The following MRTFB variants were observed in gnomAD, a reference collection of about 807,000 sequenced individuals.
The protein encoded by MRTFB is myocardin related transcription factor B.
Under a neutral mutation model 104.2 loss-of-function variants are expected in MRTFB, and 29 were observed. That is an observed-to-expected ratio of 0.28 (90% CI 0.21 to 0.38). The LOEUF is 0.38. MRTFB is among the 10% of genes least tolerant of loss of function. The pLI is 1.00. For synonymous variants in MRTFB, 535 were observed against 519.5 expected (o/e 1.03, Z -0.41); for missense variants, 1,270 against 1,341.6 (o/e 0.95, Z 0.83).
In MRTFB at chr16:14,262,887, G is replaced by A. The variant is rs1374204723; in HGVS notation, c.*1443G>A. ...CACCCTTGTGTAAACCCTCAGGTCA[G>A]GTTGGTTCCCCTGGGTCACAAAATG... is the stretch of plus-strand genomic sequence containing the variant. On this transcript the variant is annotated 3_prime_UTR_variant, in exon 17 of 17. Transcript: ENST00000571589. 1 of 152,408 alleles carries A rather than the reference G, an allele frequency of 6.6e-6. No homozygotes were observed. Among genetic ancestry groups the A allele is most frequent in the East Asian group, 1.9e-4 (1 of 5,188 alleles). The allele number at this position is 152,408 out of a possible 1,614,324, so 9.4% of individuals were successfully genotyped here. A position where few individuals can be genotyped will look rare whatever the true frequency, so the allele number is the denominator to read the frequency against.
At chr16:14,006,571 A>C in the MRTFB span, among the ~76,000 whole-genome samples, 1 of 151,872 alleles carries the variant, frequency 6.6e-6, no homozygotes, top group African/African-American at 2.4e-5. Context: ...TCTCTCATGC[A>C]CTAACCATTT....
the MRTFB span, among the ~76,000 whole-genome samples, chr16:14,041,959 G>T: frequency 6.6e-6 from 1 of 152,084 alleles, no homozygotes; most frequent in Non-Finnish European, 1.5e-5. Context: ...GTTCTTTGGG[G>T]TATATATCCA....
intron 2 of MRTFB, among the ~76,000 whole-genome samples, chr16:14,118,170 T>C (rs1006837125): frequency 3.3e-5 from 5 of 150,376 alleles, no homozygotes; most frequent in African/African-American, 9.8e-5. Context: ...AGGGTCTCAT[T>C]CTGTCACCCA....
chr16:14,110,522 C>T (rs766488999), intron 2 of MRTFB, among the ~76,000 whole-genome samples: 1 of 152,100 alleles, frequency 6.6e-6, no homozygotes, highest in Non-Finnish European at 1.5e-5. Context: ...AGCTGAATCC[C>T]ATAACCTCAG....
At chr16:14,007,697 G>A in the MRTFB span, among the ~76,000 whole-genome samples, 1 of 152,184 alleles carries the variant, frequency 6.6e-6, no homozygotes, top group African/African-American at 2.4e-5. Flanking sequence ...TGTGATGATG[G>A]TTCGAATTTC....
Position 14,189,578 on chromosome 16 carries a change from C to G in MRTFB, c.155-20665C>G, listed in dbSNP as rs149421860. On this transcript the variant is annotated intron_variant, in intron 3 of 16. Coordinates refer to ENST00000571589, the MANE Select transcript of MRTFB (RefSeq NM_001308142.2). The stretch of plus-strand genomic sequence containing the variant: ...TTTATACTTCATGTTTTAAAGGACA[C>G]TTATTAAAAATATTTATCATATTTT... Among the ~76,000 whole-genome samples, 23 of 152,234 alleles carry G rather than the reference C, an allele frequency of 1.5e-4. No homozygotes were observed. In the East Asian group the frequency reaches 3.9e-3, roughly 25 times the overall value.
intron 3 of MRTFB, among the ~76,000 whole-genome samples, chr16:14,178,004 T>C (rs374631090): frequency 1.3e-5 from 2 of 150,412 alleles, no homozygotes; most frequent in East Asian, 1.9e-4. Context: ...TTAGGAGAGA[T>C]GGTGCAGAAA....
chr16:14,019,894 G>A, the MRTFB span, among the ~76,000 whole-genome samples: 5 of 152,166 alleles, frequency 3.3e-5, no homozygotes, highest in Admixed American at 1.3e-4. Context: ...ACAAATAGAA[G>A]GGAAGTGAGG....
intron 5 of MRTFB, among the ~76,000 whole-genome samples, chr16:14,212,961 ATTTTG>A (rs2041258609): frequency 6.6e-6 from 1 of 152,184 alleles, no homozygotes; most frequent in African/African-American, 2.4e-5. Context: ...ATATTCATTC[ATTTTG>A]TTTTGGGGAA....
At chr16:14,209,306 A>C (rs1244145465) in intron 3 of MRTFB, among the ~76,000 whole-genome samples, 2 of 152,216 alleles carry the variant, frequency 1.3e-5, no homozygotes, top group Non-Finnish European at 2.9e-5. Flanking sequence ...TTTTAAGCAT[A>C]TTGACAACCA....
chr16:14,212,320 A>T, intron 4 of MRTFB, 34 bp from the exon 5 acceptor site: 2 of 1,603,988 alleles, frequency 1.2e-6, no homozygotes, highest in South Asian at 1.1e-5. Flanking sequence ...TATGAACTCT[A>T]TTTATACTGT....
chr16:14,264,535 G>A lies in MRTFB; in HGVS notation c.*3091G>A, dbSNP rs2043880439. 1 of 152,170 alleles carries A rather than the reference G, an allele frequency of 6.6e-6. No homozygotes were observed. The highest frequency in any genetic ancestry group is 2.4e-5 in the African/African-American group (1 of 41,424). 9.4% of individuals were successfully genotyped at this position (152,170 alleles called of 1,614,324 possible). ...TATTGCCACATAATTGTACATAGATGTATTCTGAATTTGTGGAATTTCTTG... is the reference window on the plus strand; with the variant it reads ...TATTGCCACATAATTGTACATAGATATATTCTGAATTTGTGGAATTTCTTG... On this transcript the variant is annotated 3_prime_UTR_variant, in exon 17 of 17. Transcript: ENST00000571589.
At chr16:14,152,487 A>G (rs1482731430) in intron 3 of MRTFB, 2 of 152,126 alleles carry the variant, frequency 1.3e-5, no homozygotes, top group African/African-American at 4.8e-5. Flanking sequence ...GGGTGGATCT[A>G]TAAGTTGTTT....
At chr16:14,234,799 A>G (rs2042422414) in intron 9 of MRTFB, among the ~76,000 whole-genome samples, 1 of 151,984 alleles carries the variant, frequency 6.6e-6, no homozygotes, top group African/African-American at 2.4e-5. Flanking sequence ...TGTCTCTTTA[A>G]AAAAAAACAA....
chr16:14,125,115 A>G lies in MRTFB; in HGVS notation c.-63-15429A>G, dbSNP rs540377490. Among the ~76,000 whole-genome samples, 323 of 152,334 alleles carry G rather than the reference A, an allele frequency of 2.1e-3. 1 individual carries two copies. Among genetic ancestry groups the G allele is most frequent in the Admixed American group, 6.1e-3 (94 of 15,298 alleles). On this transcript the variant is annotated intron_variant, in intron 2 of 16. Transcript: ENST00000571589. ...GGTTAAGGTTGGCATATTGTCTTTC[A>G]CTAGTGCAGTAATAATGGTTCTGAT... is the stretch of plus-strand genomic sequence containing the variant.
chr16:14,189,577 A>T (rs933794549), intron 3 of MRTFB, among the ~76,000 whole-genome samples: 3 of 152,246 alleles, frequency 2.0e-5, no homozygotes, highest in Non-Finnish European at 4.4e-5. Context: ...TTTAAAGGAC[A>T]CTTATTAAAA....
At chr16:14,046,438 T>C in the MRTFB span, among the ~76,000 whole-genome samples, 1 of 152,310 alleles carries the variant, frequency 6.6e-6, no homozygotes, top group African/African-American at 2.4e-5. Context: ...TAAACTCCAA[T>C]TGACCTCTGA....
the MRTFB span, among the ~76,000 whole-genome samples, chr16:13,995,769 G>T: frequency 2.0e-5 from 3 of 152,030 alleles, no homozygotes; most frequent in Admixed American, 6.6e-5. Flanking sequence ...AGGGGGAAGT[G>T]CCATGTACTT....
intron 6 of MRTFB, among the ~76,000 whole-genome samples, chr16:14,215,439 G>A (rs77173023): frequency 6.6e-6 from 1 of 152,324 alleles, no homozygotes; most frequent in East Asian, 1.9e-4. Flanking sequence ...CTAAACTTCA[G>A]CCTCAGTCAT....
Sources: gnomAD v4.1 joint callset for allele counts (sites outside exome capture counted in the v4.1 genomes callset) on GRCh38, gnomAD v4.1.1 for gene constraint, MANE v1.5 for transcripts, NCBI Gene and HGNC (gene_info 2026-07-23, HGNC 2026-07-21) for gene names.